PKNOX1: variants seen among roughly 807,000 people sequenced by gnomAD.
PKNOX1 encodes PBX/knotted 1 homeobox 1, also known as homeobox protein PKNOX1.
In PKNOX1, 15 loss-of-function variants were observed where a neutral mutation model predicts 51.9. That is an observed-to-expected ratio of 0.29 (90% CI 0.19 to 0.45). PKNOX1 has a LOEUF of 0.45. Among genes scored for constraint, PKNOX1 ranks in the 20% least tolerant of loss-of-function variants. PKNOX1 has a pLI of 1.00. For synonymous variants in PKNOX1, 219 were observed against 211.1 expected (o/e 1.04, Z -0.32); for missense variants, 462 against 547.5 (o/e 0.84, Z 1.56).
Position 43,024,957 on chromosome 21 carries a change from C to T in PKNOX1, c.926+10C>T. The T allele has an allele frequency of 6.3e-7, 1 of 1,578,926 alleles. No homozygotes were observed. Among genetic ancestry groups the T allele is most frequent in the Non-Finnish European group, 8.7e-7 (1 of 1,148,588 alleles). On this transcript the variant is annotated intron_variant, in intron 9 of 10. Coordinates refer to ENST00000291547, the MANE Select transcript of PKNOX1 (RefSeq NM_004571.5). ...TCCAAGTCAACAACTGGTAAGGTGC[C>T]CTGCTTCCTGAAATCATGCTGTCAG...
At chr21:43,023,505 T>G (rs1258357705) in intron 8 of PKNOX1, among the ~76,000 whole-genome samples, 1 of 152,202 alleles carries the variant, frequency 6.6e-6, no homozygotes, top group Non-Finnish European at 1.5e-5. Flanking sequence ...ATTCAGGTTT[T>G]AGAGTAAATG....
intron 1 of PKNOX1, among the ~76,000 whole-genome samples, chr21:42,986,904 C>T (rs1233452994): frequency 1.3e-5 from 2 of 152,158 alleles, no homozygotes; most frequent in Non-Finnish European, 2.9e-5. Flanking sequence ...TTAGTCAACA[C>T]TGCTCTGGGT....
rs1017942717 is a variant in PKNOX1, at chr21:42,984,286, C to T, written c.-57+9622C>T. On this transcript the variant is annotated intron_variant, in intron 1 of 10. Coordinates refer to ENST00000291547, the MANE Select transcript of PKNOX1 (RefSeq NM_004571.5). ...ATTTTTTAAGCTATATTGTGTTATG[C>T]TTTTAGTTGGCATTTTAGTGATTTT... Among the ~76,000 whole-genome samples, 11 of 152,104 alleles carry T rather than the reference C, an allele frequency of 7.2e-5. 1 individual carries two copies. The highest frequency in any genetic ancestry group is 3.4e-3 in the Middle Eastern group (1 of 294).
In PKNOX1 at chr21:43,029,424, G is replaced by GTTTTTT. The variant is rs138486584; in HGVS notation, c.1100-450_1100-445dup. Among the ~76,000 whole-genome samples, 239 of 63,270 alleles carry GTTTTTT rather than the reference G, an allele frequency of 3.8e-3. 15 individuals carry two copies. The highest frequency in any genetic ancestry group is 0.012 in the African/African-American group (189 of 15,292). 41.5% of individuals were successfully genotyped at this position (63,270 alleles called of 152,430 possible). A position where few individuals can be genotyped will look rare whatever the true frequency, so the allele number is the denominator to read the frequency against. On this transcript the variant is annotated intron_variant, in intron 10 of 10. Transcript: ENST00000291547. The stretch of plus-strand genomic sequence containing the variant: ...TTATTTTTTTTTATTTGTTTGCTTT[G>GTTTTTT]TTTTTTTTTTTTTTTTTTTTTGAGA...
rs200325756 is a variant in PKNOX1 at position 43,018,238 on chromosome 21, C to T, written c.720+8C>T. On this transcript the variant is annotated splice_region_variant and intron_variant, in intron 7 of 10. Coordinates refer to ENST00000291547, the MANE Select transcript of PKNOX1 (RefSeq NM_004571.5). Reference sequence around the variant, plus strand: ...AGGATCCAGAACTCCCAGGTGCGTGCGCCATTTTATGGAAGGCTTTGGGGG... The same window carrying T: ...AGGATCCAGAACTCCCAGGTGCGTGTGCCATTTTATGGAAGGCTTTGGGGG... 1.8e-4 allele frequency: 295 copies of T among 1,600,886 alleles called. 3 individuals carry two copies. In the Middle Eastern group the frequency reaches 2.3e-3, roughly 13 times the overall value.
intron 1 of PKNOX1, among the ~76,000 whole-genome samples, chr21:42,998,162 CAAGG>C (rs1978592052): frequency 6.6e-6 from 1 of 152,144 alleles, no homozygotes; most frequent in Non-Finnish European, 1.5e-5. Context: ...TGGTGAAAGA[CAAGG>C]AAGAGCAAGT....
In PKNOX1 at chr21:42,987,404, A is replaced by AATAT. The variant is rs1170402960; in HGVS notation, c.-57+12761_-57+12764dup. 3.5e-3 allele frequency among the ~76,000 whole-genome samples: 145 copies of AATAT among 41,384 alleles called. 7 individuals are homozygous for AATAT. The highest frequency in any genetic ancestry group is 0.01 in the East Asian group (25 of 2,406). 27.1% of individuals were successfully genotyped at this position (41,384 alleles called of 152,430 possible). On this transcript the variant is annotated intron_variant, in intron 1 of 10. Transcript: ENST00000291547. ...TCTCAAAAAAAAAAAAAAAAAAAAA[A>AATAT]ATATATATATATATATATATATATG...
intron 1 of PKNOX1, among the ~76,000 whole-genome samples, chr21:42,985,318 G>GT (rs1003909983): frequency 1.4e-4 from 21 of 151,582 alleles, no homozygotes; most frequent in African/African-American, 5.1e-4. Flanking sequence ...TTTTTTGTTT[G>GT]TTTTTTGGTT....
In PKNOX1 at chr21:42,995,328, C is replaced by G. The variant is rs376132159; in HGVS notation, c.-56-8998C>G. On this transcript the variant is annotated intron_variant, in intron 1 of 10. Coordinates refer to ENST00000291547, the MANE Select transcript of PKNOX1 (RefSeq NM_004571.5). ...AGCTTGCATTTTAGGAAGGACTGCA[C>G]AGAAGCCAGTAGAGTGTATCCTTTT... Among the ~76,000 whole-genome samples the G allele has an allele frequency of 5.3e-5, 8 of 152,294 alleles. No homozygotes were observed. In the South Asian group the frequency reaches 6.2e-4, roughly 12 times the overall value.
chr21:42,991,729 G>A (rs961468952), intron 1 of PKNOX1, among the ~76,000 whole-genome samples: 4 of 67,210 alleles, frequency 6.0e-5, no homozygotes, highest in Non-Finnish European at 9.3e-5. Flanking sequence ...GCGAGACTCC[G>A]TCTCAAAAAA....
chr21:43,016,962 G>A lies in PKNOX1; in HGVS notation c.577G>A (p.Ala193Thr), dbSNP rs746447164. 5 of 1,613,042 alleles carry A rather than the reference G, an allele frequency of 3.1e-6. No individual in the cohort carries two copies. The South Asian group carries it at 4.4e-5, about 14-fold the overall frequency. ...CAGCCCTCAGGGAATTGTGGTGCCG[G>A]CGTCCGCGCTGCAGCAGGGAAACGT... ...TISPQGIVVP[A>T]SALQQGNVAM... The change falls in exon 6 of 11, where the codon GCG (alanine) becomes ACG (threonine). Residue 193 changes from alanine to threonine, a missense_variant. Around this residue, in one of 5 missense-constraint regions of PKNOX1, gnomAD observed 126 missense variants for 128.1 expected, o/e 0.98. Transcript: ENST00000291547.
intron 7 of PKNOX1, among the ~76,000 whole-genome samples, chr21:43,019,209 A>G (rs1447019196): frequency 6.6e-6 from 1 of 151,402 alleles, no homozygotes. Flanking sequence ...CCTGTCCAAC[A>G]TAGTGGAACC....
At chr21:42,975,047 C>CG (rs1555856329) in intron 1 of PKNOX1, among the ~76,000 whole-genome samples, 3 of 141,064 alleles carry the variant, frequency 2.1e-5, no homozygotes, top group South Asian at 2.2e-4. Context: ...CGCCCCGGCG[C>CG]GGGGCGGGGG....
chr21:42,974,741 G>GCGGCCGCCGC (rs1235694987), intron 1 of PKNOX1, 77 bp downstream of exon 1: 1 of 159,698 alleles, frequency 6.3e-6, no homozygotes, highest in African/African-American at 2.5e-5. Context: ...ACACCGGCCC[G>GCGGCCGCCGC]CGGCCGCCGC....
intron 9 of PKNOX1, among the ~76,000 whole-genome samples, chr21:43,026,802 T>C (rs925352881): frequency 6.6e-6 from 1 of 150,880 alleles, no homozygotes; most frequent in African/African-American, 2.4e-5. Context: ...AGTGGGGCCT[T>C]CCCTCCCAGG....
intron 1 of PKNOX1, among the ~76,000 whole-genome samples, chr21:42,993,894 G>A (rs981932517): frequency 1.3e-5 from 2 of 150,716 alleles, no homozygotes; most frequent in African/African-American, 4.9e-5. Context: ...CACCATGCCC[G>A]GCTAATTTTT....
chr21:42,982,826 A>G (rs1225314206), intron 1 of PKNOX1, among the ~76,000 whole-genome samples: 1 of 150,296 alleles, frequency 6.7e-6, no homozygotes, highest in Non-Finnish European at 1.5e-5. Flanking sequence ...TTTTTCCCCC[A>G]CGAAACAGGG....
intron 5 of PKNOX1, 21 bp from the exon 6 acceptor site, chr21:43,016,887 C>T (rs1979512516): frequency 6.6e-7 from 1 of 1,508,842 alleles, no homozygotes; most frequent in East Asian, 2.3e-5. Flanking sequence ...ATTCCTTCAA[C>T]ATGTGTGTTC....
intron 5 of PKNOX1, among the ~76,000 whole-genome samples, chr21:43,015,675 A>G (rs1013534651): frequency 6.6e-6 from 1 of 152,206 alleles, no homozygotes; most frequent in East Asian, 1.9e-4. Flanking sequence ...TGTTTGAGAA[A>G]TAGAATTGAT....
Sources: gnomAD v4.1 joint callset for allele counts (sites outside exome capture counted in the v4.1 genomes callset) on GRCh38, gnomAD v4.1.1 for gene constraint, gnomAD v4.1.1 regional missense constraint, MANE v1.5 for transcripts, NCBI Gene and HGNC (gene_info 2026-07-23, HGNC 2026-07-21) for gene names.